The following LIPC variants were observed in gnomAD, a reference collection of about 807,000 sequenced individuals.
The protein encoded by LIPC is hepatic triacylglycerol lipase.
Under a neutral mutation model 50.7 loss-of-function variants are expected in LIPC, and 44 were observed. The observed-to-expected ratio is 0.87, with a 90% CI of 0.68 to 1.11. The LOEUF (loss-of-function observed/expected upper bound fraction) is 1.11. LIPC is among the 50% of genes most tolerant of loss of function. The pLI is 0.00. For missense variants in LIPC, 697 were observed against 648.2 expected (o/e 1.08, Z -0.82); for synonymous variants, 271 against 256.4 (o/e 1.06, Z -0.54).
intron 1 of LIPC, among the ~76,000 whole-genome samples, chr15:58,514,097 C>T (rs183246760): frequency 5.3e-5 from 8 of 152,310 alleles, no homozygotes; most frequent in Admixed American, 3.9e-4. Context: ...TAAGCATCAT[C>T]GTAAAAGCCC....
intron 6 of LIPC, among the ~76,000 whole-genome samples, chr15:58,549,851 G>A (rs1164424078): frequency 6.6e-6 from 1 of 152,238 alleles, no homozygotes; most frequent in Non-Finnish European, 1.5e-5. Flanking sequence ...CAGCACGCAG[G>A]TGAGGGAATT....
intron 1 of LIPC, among the ~76,000 whole-genome samples, chr15:58,483,726 C>A (rs1891270342): frequency 6.6e-6 from 1 of 151,972 alleles, no homozygotes; most frequent in Non-Finnish European, 1.5e-5. Flanking sequence ...GGCAAGTTGT[C>A]CTACATCAAT....
chr15:58,490,886 G>A lies in LIPC; in HGVS notation c.89-47447G>A, dbSNP rs540153965. 2.0e-5 allele frequency among the ~76,000 whole-genome samples: 3 copies of A among 152,284 alleles called. No individual in the cohort carries two copies. The South Asian group carries it at 6.2e-4, about 32-fold the overall frequency. ...TCAGGTCTCTGAGAGCCCAGAGCCT[G>A]AGAAGTGTGGAGGATACTAATTACA... On this transcript the variant is annotated intron_variant, in intron 1 of 8. Transcript: ENST00000299022.
intron 1 of LIPC, among the ~76,000 whole-genome samples, chr15:58,432,593 T>A (rs8034802): frequency 0.34 from 50,977 of 152,044 alleles, 9,218 homozygotes; most frequent in East Asian, 0.64. Flanking sequence ...AGTAGAGATA[T>A]CATTGCACAA....
At position 58,469,240 on chromosome 15, in the gene LIPC, C is replaced by A. The variant is rs946397119; in HGVS notation, c.88+37120C>A. ...ACATTGAACTCCTGGCCCAAGTAAT[C>A]CTCCTGCCTCAGCCTCCCAAAGCAC... On this transcript the variant is annotated intron_variant, in intron 1 of 8. Transcript: ENST00000299022. 3.3e-5 allele frequency among the ~76,000 whole-genome samples: 5 copies of A among 151,868 alleles called. No homozygotes were observed. The South Asian group carries it at 6.2e-4, about 19-fold the overall frequency.
At chr15:58,501,640 G>A (rs1356352555) in intron 1 of LIPC, among the ~76,000 whole-genome samples, 2 of 152,110 alleles carry the variant, frequency 1.3e-5, no homozygotes, top group Non-Finnish European at 2.9e-5. Context: ...TCACAAGGAA[G>A]AGTACATTAA....
At chr15:58,538,642 AG>A in intron 2 of LIPC, 125 bp downstream of exon 2, 1 of 938,678 alleles carries the variant, frequency 1.1e-6, no homozygotes, top group Non-Finnish European at 1.7e-6. Flanking sequence ...ATGTTTATGA[AG>A]CACGTTCTAA....
At chr15:58,480,056 T>C (rs1365394314) in intron 1 of LIPC, among the ~76,000 whole-genome samples, 1 of 152,198 alleles carries the variant, frequency 6.6e-6, no homozygotes, top group African/African-American at 2.4e-5. Flanking sequence ...TTGTATGGTA[T>C]CTGGCATGTG....
intron 6 of LIPC, among the ~76,000 whole-genome samples, chr15:58,551,061 T>C (rs1382667468): frequency 6.6e-6 from 1 of 151,960 alleles, no homozygotes. Context: ...GGTCTCGAAC[T>C]CCTGACCTCA....
At chr15:58,486,077 G>A (rs1314120084) in intron 1 of LIPC, among the ~76,000 whole-genome samples, 1 of 152,196 alleles carries the variant, frequency 6.6e-6, no homozygotes, top group East Asian at 1.9e-4. Flanking sequence ...AAAAAGCTGT[G>A]TGTCTCTACC....
At chr15:58,487,363 T>C (rs572241635) in intron 1 of LIPC, among the ~76,000 whole-genome samples, 1 of 152,364 alleles carries the variant, frequency 6.6e-6, no homozygotes, top group South Asian at 2.1e-4. Flanking sequence ...TGCACAACAG[T>C]TAGCAGACTG....
chr15:58,469,930 G>A (rs1447351731), intron 1 of LIPC, among the ~76,000 whole-genome samples: 4 of 93,992 alleles, frequency 4.3e-5, no homozygotes, highest in African/African-American at 1.7e-4. Context: ...TCATCTTCAT[G>A]GAATTTTTTT....
At chr15:58,477,960 C>A (rs1221648139) in intron 1 of LIPC, among the ~76,000 whole-genome samples, 2 of 151,982 alleles carry the variant, frequency 1.3e-5, no homozygotes, top group Non-Finnish European at 2.9e-5. Flanking sequence ...CATCTCACCT[C>A]CCTCCTCTCC....
intron 1 of LIPC, among the ~76,000 whole-genome samples, chr15:58,517,283 C>G (rs1892512919): frequency 6.6e-6 from 1 of 152,250 alleles, no homozygotes; most frequent in African/African-American, 2.4e-5. Flanking sequence ...CACCAGGGCT[C>G]TTGCCTCTCA....
At chr15:58,442,022 GT>G (rs1446623079) in intron 1 of LIPC, among the ~76,000 whole-genome samples, 2 of 152,272 alleles carry the variant, frequency 1.3e-5, no homozygotes, top group Non-Finnish European at 2.9e-5. Flanking sequence ...GCTGTGCTGT[GT>G]TTTCGTGTAG....
rs1341550230 is a variant in LIPC at position 58,546,557 on chromosome 15, C to T, written c.808+582C>T. Among the ~76,000 whole-genome samples the T allele has an allele frequency of 5.9e-5, 9 of 152,190 alleles. 1 individual carries two copies. Among genetic ancestry groups the T allele is most frequent in the Non-Finnish European group, 8.8e-5 (6 of 68,044 alleles). On this transcript the variant is annotated intron_variant, in intron 5 of 8. Coordinates refer to ENST00000299022, the MANE Select transcript of LIPC (RefSeq NM_000236.3). Reference sequence around the variant, plus strand: ...TGTGCTGTTATCTGGGTTGTGATCCCACTTCTCTCTCAAGTCCTAAAACCG... The same window carrying T: ...TGTGCTGTTATCTGGGTTGTGATCCTACTTCTCTCTCAAGTCCTAAAACCG...
intron 6 of LIPC, among the ~76,000 whole-genome samples, chr15:58,555,845 A>T (rs1191907002): frequency 1.3e-5 from 2 of 152,216 alleles, no homozygotes; most frequent in African/African-American, 4.8e-5. Context: ...CTGCACAGTC[A>T]GGCTCCAGAG....
At chr15:58,517,457 A>C (rs1328826919) in intron 1 of LIPC, among the ~76,000 whole-genome samples, 2 of 152,254 alleles carry the variant, frequency 1.3e-5, no homozygotes, top group Non-Finnish European at 2.9e-5. Context: ...AGTGCTAAAA[A>C]GGCCCTGCTT....
chr15:58,463,678 C>T (rs1170464533), intron 1 of LIPC, among the ~76,000 whole-genome samples: 6 of 152,170 alleles, frequency 3.9e-5, no homozygotes, highest in African/African-American at 1.4e-4. Context: ...GCTCCACTCC[C>T]ATCTCCTTGA....
Sources: allele counts gnomAD v4.1 joint callset (sites outside exome capture counted in the v4.1 genomes callset), GRCh38; gene constraint gnomAD v4.1.1; transcripts MANE v1.5; gene names NCBI Gene and HGNC (gene_info 2026-07-23, HGNC 2026-07-21).